FAM163A: variants seen among roughly 807,000 people sequenced by gnomAD.
The protein encoded by FAM163A is protein FAM163A.
FAM163A carries 7 observed loss-of-function variants against 12.0 expected under a neutral mutation model. The observed-to-expected ratio is 0.58, with a 90% confidence interval of 0.33 to 1.10. FAM163A has a LOEUF of 1.10. Among genes scored for constraint, FAM163A ranks in the 50% least tolerant of loss-of-function variants. FAM163A has a pLI of 0.03. For synonymous variants in FAM163A, 101 were observed against 91.0 expected (o/e 1.11, Z -0.62); for missense variants, 202 against 218.6 (o/e 0.92, Z 0.48).
chr1:179,784,051 G>A (rs73039676), intron 1 of FAM163A, among the ~76,000 whole-genome samples: 2,511 of 152,122 alleles, frequency 0.017, 64 homozygotes, highest in African/African-American at 0.057. Flanking sequence ...CTGCCTCTGA[G>A]GCCATCAAGA....
At chr1:179,806,933 A>T (rs1486421864) in intron 1 of FAM163A, among the ~76,000 whole-genome samples, 1 of 152,134 alleles carries the variant, frequency 6.6e-6, no homozygotes, top group East Asian at 1.9e-4. Context: ...GTGAAACTCT[A>T]TCTCTACTAA....
At chr1:179,771,345 T>C (rs1407782379) in intron 1 of FAM163A, among the ~76,000 whole-genome samples, 1 of 152,188 alleles carries the variant, frequency 6.6e-6, no homozygotes, top group Non-Finnish European at 1.5e-5. Context: ...TCCAGGCCCA[T>C]CAGCTTTACC....
intron 1 of FAM163A, among the ~76,000 whole-genome samples, chr1:179,770,248 C>G (rs1433203599): frequency 6.6e-6 from 1 of 152,102 alleles, no homozygotes; most frequent in Non-Finnish European, 1.5e-5. Context: ...CCAACCAATG[C>G]TGTGATTGAA....
intron 1 of FAM163A, among the ~76,000 whole-genome samples, chr1:179,762,114 T>C (rs1686898930): frequency 6.6e-6 from 1 of 152,136 alleles, no homozygotes. Context: ...AATGCTCTTG[T>C]TGAATGGATG....
intron 3 of FAM163A, 119 bp from the exon 4 acceptor site, chr1:179,812,957 G>A (rs1694901185): frequency 1.1e-6 from 1 of 904,308 alleles, no homozygotes; most frequent in Non-Finnish European, 1.7e-6. Flanking sequence ...TGGCCCTCCC[G>A]GCACCTGCTG....
chr1:179,733,732 T>C, the FAM163A span, among the ~76,000 whole-genome samples: 4 of 152,012 alleles, frequency 2.6e-5, no homozygotes, highest in Admixed American at 6.6e-5. Context: ...CAAAGACAAC[T>C]CCCTCCACCT....
chr1:179,775,543 C>T (rs1481248111), intron 1 of FAM163A, among the ~76,000 whole-genome samples: 2 of 152,176 alleles, frequency 1.3e-5, no homozygotes, highest in East Asian at 1.9e-4. Flanking sequence ...TCTCCTGCCT[C>T]AATCGCAATA....
the FAM163A span, among the ~76,000 whole-genome samples, chr1:179,731,183 G>A: frequency 2.6e-5 from 4 of 152,238 alleles, no homozygotes; most frequent in African/African-American, 9.6e-5. Flanking sequence ...TTCTAGTATT[G>A]AGTATACAGT....
At chr1:179,795,487 T>C (rs73039694) in intron 1 of FAM163A, among the ~76,000 whole-genome samples, 3,631 of 152,326 alleles carry the variant, frequency 0.024, 145 homozygotes, top group African/African-American at 0.083. Context: ...TAAATTGGCC[T>C]GCATTTTCAC....
the FAM163A span, among the ~76,000 whole-genome samples, chr1:179,737,607 G>A: frequency 2.0e-5 from 3 of 152,064 alleles, no homozygotes; most frequent in African/African-American, 4.8e-5. Context: ...AGGCCGAGGC[G>A]GGCAGATCAC....
intron 1 of FAM163A, among the ~76,000 whole-genome samples, chr1:179,775,210 A>G (rs976114811): frequency 3.3e-5 from 5 of 152,208 alleles, no homozygotes; most frequent in African/African-American, 1.2e-4. Flanking sequence ...GGTTGCCGAA[A>G]GCAACCAATC....
At chr1:179,789,182 G>T (rs1255610010) in intron 1 of FAM163A, among the ~76,000 whole-genome samples, 1 of 142,584 alleles carries the variant, frequency 7.0e-6, no homozygotes, top group East Asian at 2.0e-4. Context: ...GAGGAGACTA[G>T]ATTTTTTTTT....
chr1:179,802,035 G>T (rs1693252193), intron 1 of FAM163A, among the ~76,000 whole-genome samples: 1 of 152,194 alleles, frequency 6.6e-6, no homozygotes, highest in Admixed American at 6.5e-5. Flanking sequence ...TGGGGGAAGT[G>T]AAAGCCTCCT....
At chr1:179,781,122 T>A (rs1249831247) in intron 1 of FAM163A, among the ~76,000 whole-genome samples, 2 of 152,172 alleles carry the variant, frequency 1.3e-5, no homozygotes, top group Non-Finnish European at 2.9e-5. Context: ...GAAAGTAGAT[T>A]CGTGGTTGCC....
intron 1 of FAM163A, among the ~76,000 whole-genome samples, chr1:179,792,434 T>G (rs1691655846): frequency 6.6e-6 from 1 of 152,102 alleles, no homozygotes. Context: ...CATGAACCAC[T>G]GCTCCTGGAC....
chr1:179,796,673 A>G (rs1202663712), intron 1 of FAM163A, among the ~76,000 whole-genome samples: 1 of 152,090 alleles, frequency 6.6e-6, no homozygotes, highest in Non-Finnish European at 1.5e-5. Flanking sequence ...CCTTTCTAAC[A>G]TATAAACCCA....
In FAM163A at chr1:179,815,109, G is replaced by GCGCGCACACACACACACA. The variant is rs1273970601; in HGVS notation, c.*921_*922insGCGCACACACACACACAC. On this transcript the variant is annotated 3_prime_UTR_variant, in exon 5 of 5. Coordinates refer to ENST00000341785, the MANE Select transcript of FAM163A (RefSeq NM_173509.3). ...CAGGTGTACGCACGCGCGCGCGCGC[G>GCGCGCACACACACACACA]CACAGACACACACACACACACACAC... 1 of 67,236 alleles carries GCGCGCACACACACACACA rather than the reference G, an allele frequency of 1.5e-5. No homozygotes were observed. Among genetic ancestry groups the GCGCGCACACACACACACA allele is most frequent in the African/African-American group, 6.3e-5 (1 of 15,782 alleles). 4.2% of individuals were successfully genotyped at this position (67,236 alleles called of 1,614,324 possible).
At chr1:179,759,198 C>G (rs1344288718) in intron 1 of FAM163A, among the ~76,000 whole-genome samples, 1 of 152,148 alleles carries the variant, frequency 6.6e-6, no homozygotes. Flanking sequence ...CTGGCCTCTG[C>G]CCCTAGAGAC....
intron 1 of FAM163A, among the ~76,000 whole-genome samples, chr1:179,757,120 A>C (rs1686126683): frequency 6.7e-6 from 1 of 149,462 alleles, no homozygotes; most frequent in African/African-American, 2.5e-5. Flanking sequence ...TTTTATTCCT[A>C]GTAGCTTTGT....
Sources: allele counts gnomAD v4.1 joint callset (sites outside exome capture counted in the v4.1 genomes callset), GRCh38; gene constraint gnomAD v4.1.1; transcripts MANE v1.5; gene names NCBI Gene and HGNC (gene_info 2026-07-23, HGNC 2026-07-21).